The following SYNPR variants were observed in gnomAD, a reference collection of about 807,000 sequenced individuals.
SYNPR encodes synaptoporin.
Under a neutral mutation model 32.9 loss-of-function variants are expected in SYNPR, and 23 were observed. The observed-to-expected ratio is 0.70, with a 90% CI of 0.50 to 0.99. The LOEUF (loss-of-function observed/expected upper bound fraction) is 0.99, where lower values mean the gene tolerates loss of function less well. SYNPR is among the 50% of genes least tolerant of loss of function. The probability of loss-of-function intolerance (pLI) is 0.00; values close to 1 mark genes in which losing one functional copy is unlikely to be tolerated. For missense variants in SYNPR, 318 were observed against 349.3 expected (o/e 0.91, Z 0.71); for synonymous variants, 146 against 135.9 (o/e 1.07, Z -0.52).
At chr3:63,495,328 A>C (rs528126273) in intron 3 of SYNPR, among the ~76,000 whole-genome samples, 1 of 152,290 alleles carries the variant, frequency 6.6e-6, no homozygotes, top group African/African-American at 2.4e-5. Flanking sequence ...GGAGGGAAGA[A>C]GGAGATGAGC....
intron 3 of SYNPR, among the ~76,000 whole-genome samples, chr3:63,486,245 C>T (rs536544590): frequency 1.3e-4 from 20 of 152,246 alleles, no homozygotes; most frequent in African/African-American, 2.6e-4. Context: ...TTTCTCTCAC[C>T]GCTGGAACCT....
intron 2 of SYNPR, among the ~76,000 whole-genome samples, chr3:63,266,367 C>T (rs2086485281): frequency 6.6e-6 from 1 of 151,528 alleles, no homozygotes; most frequent in Non-Finnish European, 1.5e-5. Context: ...TATTATGGTG[C>T]CTAGTATCTT....
chr3:63,507,826 A>G (rs1335879932), intron 3 of SYNPR, among the ~76,000 whole-genome samples: 1 of 152,086 alleles, frequency 6.6e-6, no homozygotes, highest in Non-Finnish European at 1.5e-5. Context: ...AAGAAAAGAA[A>G]AAAAATGATG....
intron 2 of SYNPR, among the ~76,000 whole-genome samples, chr3:63,329,776 C>A (rs188782248): frequency 1.3e-5 from 2 of 152,206 alleles, no homozygotes; most frequent in Admixed American, 1.3e-4. Flanking sequence ...GAGACTAATT[C>A]GAGGATGAGA....
At chr3:63,262,349 G>A (rs1396212975) in intron 2 of SYNPR, among the ~76,000 whole-genome samples, 2 of 152,196 alleles carry the variant, frequency 1.3e-5, no homozygotes, top group Admixed American at 6.5e-5. Flanking sequence ...CTTTTCTTGA[G>A]AGACAAAAAG....
At chr3:63,253,780 C>A (rs2086358021) in intron 2 of SYNPR, among the ~76,000 whole-genome samples, 1 of 152,094 alleles carries the variant, frequency 6.6e-6, no homozygotes, top group East Asian at 1.9e-4. Context: ...GGATCTAGAA[C>A]TAGAAATACC....
intron 2 of SYNPR, chr3:63,445,455 T>C: frequency 1.5e-6 from 1 of 647,108 alleles, no homozygotes; most frequent in Non-Finnish European, 2.8e-6. Flanking sequence ...TGTCATAATC[T>C]CTTCCAAGCA....
chr3:63,344,614 AGGTAGT>A (rs1325020787), intron 2 of SYNPR, among the ~76,000 whole-genome samples: 7 of 149,636 alleles, frequency 4.7e-5, no homozygotes, highest in Admixed American at 1.3e-4. Flanking sequence ...AACCAACAAG[AGGTAGT>A]GCAATAACCT....
chr3:63,332,027 G>A (rs1438359119), intron 2 of SYNPR, among the ~76,000 whole-genome samples: 1 of 152,156 alleles, frequency 6.6e-6, no homozygotes, highest in African/African-American at 2.4e-5. Context: ...TTCTTGAGGG[G>A]CAATGCTTCC....
chr3:63,564,879 T>C (rs1169935206), intron 4 of SYNPR, among the ~76,000 whole-genome samples: 1 of 152,244 alleles, frequency 6.6e-6, no homozygotes, highest in East Asian at 1.9e-4. Context: ...GGCAGTGAAC[T>C]GCTTAAAGAA....
At chr3:63,473,257 T>C (rs770765157) in intron 2 of SYNPR, among the ~76,000 whole-genome samples, 1 of 152,192 alleles carries the variant, frequency 6.6e-6, no homozygotes, top group Admixed American at 6.5e-5. Context: ...CCTGCAATTA[T>C]ATACCACATA....
chr3:63,260,351 T>C (rs1437623618), intron 2 of SYNPR, among the ~76,000 whole-genome samples: 3 of 152,152 alleles, frequency 2.0e-5, no homozygotes, highest in African/African-American at 7.2e-5. Context: ...CAAAACAGCA[T>C]GGTACTGGTA....
intron 2 of SYNPR, among the ~76,000 whole-genome samples, chr3:63,399,574 A>C (rs1274745537): frequency 1.3e-5 from 2 of 152,064 alleles, no homozygotes; most frequent in African/African-American, 2.4e-5. Flanking sequence ...GTACAAGGGT[A>C]CTAATCACAC....
intron 2 of SYNPR, among the ~76,000 whole-genome samples, chr3:63,379,512 A>G (rs2087939137): frequency 6.6e-6 from 1 of 151,952 alleles, no homozygotes; most frequent in Non-Finnish European, 1.5e-5. Context: ...GTTTTTTGGT[A>G]TGTACACATT....
chr3:63,426,992 T>C (rs1017484451), intron 2 of SYNPR, among the ~76,000 whole-genome samples: 2 of 152,184 alleles, frequency 1.3e-5, no homozygotes, highest in Admixed American at 6.5e-5. Context: ...AGAATAAATA[T>C]GCTTCTTGGG....
At chr3:63,427,215 T>A (rs552459996) in intron 2 of SYNPR, among the ~76,000 whole-genome samples, 26 of 151,288 alleles carry the variant, frequency 1.7e-4, no homozygotes, top group African/African-American at 5.4e-4. Flanking sequence ...TTACCTTGAT[T>A]TTATTTACTG....
chr3:63,409,497 G>A (rs2088433483), intron 2 of SYNPR, among the ~76,000 whole-genome samples: 1 of 152,076 alleles, frequency 6.6e-6, no homozygotes, highest in Non-Finnish European at 1.5e-5. Context: ...TTTGACTCTT[G>A]GCTGACATTA....
rs1343796324 is a variant in SYNPR, at chr3:63,313,690, C to CAT, written c.84+34959_84+34960dup. Among the ~76,000 whole-genome samples, 8 of 46,624 alleles carry CAT rather than the reference C, an allele frequency of 1.7e-4. 1 individual carries two copies. Among genetic ancestry groups the CAT allele is most frequent in the Admixed American group, 2.4e-4 (1 of 4,104 alleles). 30.6% of individuals were successfully genotyped at this position (46,624 alleles called of 152,430 possible). On this transcript the variant is annotated intron_variant, in intron 2 of 5. Coordinates refer to ENST00000478300, the MANE Select transcript of SYNPR (RefSeq NM_001130003.2). The stretch of plus-strand genomic sequence containing the variant: ...ACAGAAATTAATACACATATATATC[C>CAT]ATATATATATATCCATATATATATA...
At chr3:63,271,529 C>A (rs781117936) in intron 3 of SYNPR, among the ~76,000 whole-genome samples, 1 of 152,076 alleles carries the variant, frequency 6.6e-6, no homozygotes, top group South Asian at 2.1e-4. Flanking sequence ...TGAATGCATG[C>A]AGTATACTTT....
Sources: gnomAD v4.1 joint callset for allele counts (sites outside exome capture counted in the v4.1 genomes callset) on GRCh38, gnomAD v4.1.1 for gene constraint, MANE v1.5 for transcripts, NCBI Gene and HGNC (gene_info 2026-07-23, HGNC 2026-07-21) for gene names.